The following CCDC7 variants were observed in gnomAD, a reference collection of about 807,000 sequenced individuals.
CCDC7 encodes coiled-coil domain containing 7.
A neutral mutation model predicts 196.9 loss-of-function variants in CCDC7; 183 were observed. The observed-to-expected ratio is 0.93, with a 90% CI of 0.82 to 1.05. CCDC7 has a LOEUF of 1.05. Among genes scored for constraint, CCDC7 ranks in the 50% least tolerant of loss-of-function variants. The pLI is 0.00. For missense variants in CCDC7, 1,540 were observed against 1,482.2 expected, an observed-to-expected ratio of 1.04 and a Z score of -0.64; for synonymous variants, 525 against 484.6, an observed-to-expected ratio of 1.08 and a Z score of -1.10.
At chr10:32,549,276 T>C (rs1224858105) in intron 13 of CCDC7, among the ~76,000 whole-genome samples, 2 of 152,150 alleles carry the variant, frequency 1.3e-5, no homozygotes, top group Non-Finnish European at 2.9e-5. Context: ...TTTTTTCTTA[T>C]TGATTTGTTT....
At chr10:32,738,599 A>G (rs1050599071) in intron 28 of CCDC7, among the ~76,000 whole-genome samples, 9 of 148,880 alleles carry the variant, frequency 6.0e-5, no homozygotes, top group African/African-American at 2.2e-4. Flanking sequence ...CTCAGCCTCC[A>G]AGTACCTGGG....
intron 9 of CCDC7, among the ~76,000 whole-genome samples, chr10:32,507,355 A>T (rs1230390570): frequency 6.6e-6 from 1 of 152,126 alleles, no homozygotes; most frequent in Non-Finnish European, 1.5e-5. Flanking sequence ...TTAAAAAAAA[A>T]ATCCATTCAG....
intron 8 of CCDC7, among the ~76,000 whole-genome samples, chr10:32,475,044 A>T (rs16933387): frequency 0.083 from 12,567 of 152,220 alleles, 566 homozygotes; most frequent in East Asian, 0.16. Flanking sequence ...TGGGGTAGAA[A>T]GGTATATAGA....
intron 31 of CCDC7, among the ~76,000 whole-genome samples, chr10:32,821,638 A>G (rs1280263974): frequency 6.6e-6 from 1 of 152,264 alleles, no homozygotes; most frequent in East Asian, 1.9e-4. Context: ...ACCATAAAAA[A>G]GGATGAGCTC....
At chr10:32,599,316 C>G (rs560759099) in intron 18 of CCDC7, among the ~76,000 whole-genome samples, 5 of 152,060 alleles carry the variant, frequency 3.3e-5, no homozygotes, top group African/African-American at 1.2e-4. Flanking sequence ...AAATGAGTCT[C>G]TTATACATAG....
chr10:32,546,470 A>G (rs1310484091), intron 13 of CCDC7, among the ~76,000 whole-genome samples: 1 of 152,202 alleles, frequency 6.6e-6, no homozygotes, highest in Non-Finnish European at 1.5e-5. Flanking sequence ...CTAGATGTTA[A>G]TTTCTTAACA....
intron 24 of CCDC7, among the ~76,000 whole-genome samples, chr10:32,709,490 AAACT>A (rs1278627586): frequency 1.3e-5 from 2 of 152,118 alleles, no homozygotes; most frequent in East Asian, 1.9e-4. Context: ...ATAAATAAGA[AAACT>A]AACCATAAAA....
At chr10:32,494,642 G>A (rs550786345) in intron 9 of CCDC7, among the ~76,000 whole-genome samples, 4 of 152,148 alleles carry the variant, frequency 2.6e-5, no homozygotes, top group South Asian at 4.2e-4. Context: ...GAGAACATGC[G>A]GTGTTTGGTT....
intron 21 of CCDC7, among the ~76,000 whole-genome samples, chr10:32,669,892 T>G (rs1473421360): frequency 2.0e-5 from 3 of 152,190 alleles, no homozygotes; most frequent in East Asian, 3.8e-4. Context: ...GTTTGTATTG[T>G]TATACGTGAA....
At chr10:32,480,578 A>G (rs1237971529) in intron 8 of CCDC7, among the ~76,000 whole-genome samples, 1 of 152,060 alleles carries the variant, frequency 6.6e-6, no homozygotes, top group African/African-American at 2.4e-5. Flanking sequence ...TTTGTGTGTC[A>G]TAAGATATTT....
intron 21 of CCDC7, among the ~76,000 whole-genome samples, chr10:32,679,056 T>G (rs2075460430): frequency 6.6e-6 from 1 of 152,182 alleles, no homozygotes; most frequent in Non-Finnish European, 1.5e-5. Flanking sequence ...TTTGGGCATA[T>G]GTTTCATAGA....
intron 18 of CCDC7, among the ~76,000 whole-genome samples, chr10:32,595,559 C>A (rs1288930187): frequency 6.6e-6 from 1 of 152,088 alleles, no homozygotes. Flanking sequence ...CTGCTCTGAT[C>A]TTAGTTATTT....
intron 20 of CCDC7, among the ~76,000 whole-genome samples, chr10:32,643,867 A>G (rs1474607193): frequency 6.7e-6 from 1 of 149,182 alleles, no homozygotes; most frequent in Non-Finnish European, 1.5e-5. Context: ...TATTTTGAAA[A>G]TTAATTTTCA....
intron 35 of CCDC7, 96 bp downstream of exon 36, chr10:32,845,722 G>T (rs1277978294): frequency 3.3e-6 from 4 of 1,202,346 alleles, no homozygotes; most frequent in Non-Finnish European, 3.6e-6. Flanking sequence ...GTACCTATAT[G>T]TTGGTATTAC....
downstream of CCDC7, among the ~76,000 whole-genome samples, chr10:32,879,475 G>A (rs550167633): frequency 3.9e-5 from 6 of 152,188 alleles, no homozygotes; most frequent in South Asian, 8.3e-4. Context: ...GGGCTTGGGG[G>A]TGGCTCAGTG....
intron 41 of CCDC7, among the ~76,000 whole-genome samples, chr10:32,860,712 A>G (rs1376111210): frequency 6.6e-6 from 1 of 151,514 alleles, no homozygotes; most frequent in Non-Finnish European, 1.5e-5. Context: ...CAACTTCAGC[A>G]AAGTCTCAGG....
chr10:32,623,618 G>A, intron 18 of CCDC7: 1 of 445,628 alleles, frequency 2.2e-6, no homozygotes, highest in Non-Finnish European at 4.5e-6. Flanking sequence ...TAAGAACTCT[G>A]TCAGATACTG....
chr10:32,572,195 A>G (rs1007263302), intron 16 of CCDC7, among the ~76,000 whole-genome samples: 7 of 152,162 alleles, frequency 4.6e-5, no homozygotes, highest in Non-Finnish European at 7.4e-5. Context: ...TTTTCAACTT[A>G]GTTATCATCA....
chr10:32,500,675 C>T (rs1234108984), intron 9 of CCDC7, among the ~76,000 whole-genome samples: 2 of 152,166 alleles, frequency 1.3e-5, no homozygotes, highest in African/African-American at 4.8e-5. Context: ...AATCTCGGCA[C>T]TTTGGGAGGC....
Sources: allele counts gnomAD v4.1 joint callset (sites outside exome capture counted in the v4.1 genomes callset), GRCh38; gene constraint gnomAD v4.1.1; transcripts MANE v1.5; gene names NCBI Gene and HGNC (gene_info 2026-07-23, HGNC 2026-07-21).